NOL8: variants seen among roughly 807,000 people sequenced by gnomAD.
NOL8 encodes the protein nucleolar protein Nop132.
Under a neutral mutation model 116.1 loss-of-function variants are expected in NOL8, and 93 were observed. The observed-to-expected ratio is 0.80, with a 90% confidence interval of 0.68 to 0.95. The LOEUF is 0.95. Ranked by LOEUF, NOL8 falls within the 40% of genes least tolerant of loss-of-function variation. NOL8 has a pLI of 0.00. For synonymous variants in NOL8, 419 were observed against 469.0 expected, an observed-to-expected ratio of 0.89 and a Z score of 1.38; for missense variants, 1,291 against 1,382.8, an observed-to-expected ratio of 0.93 and a Z score of 1.05.
At position 92,309,711 on chromosome 9, in the gene NOL8, ACATT is replaced by A. The variant is rs756817645; in HGVS notation, c.2686+456_2686+459del. The stretch of plus-strand genomic sequence containing the variant: ...TCTGATAGCATCATTACTCTTAGAT[ACATT>A]CAAACAGGGATAAATTCAAGTAGAA... On this transcript the variant is annotated intron_variant, in intron 10 of 16. Coordinates refer to ENST00000442668, the MANE Select transcript of NOL8 (RefSeq NM_017948.6). Among the ~76,000 whole-genome samples, 59 of 152,218 alleles carry A rather than the reference ACATT, an allele frequency of 3.9e-4. 1 individual carries two copies. Among genetic ancestry groups the A allele is most frequent in the Non-Finnish European group, 7.9e-4 (54 of 68,042 alleles).
intron 6 of NOL8, among the ~76,000 whole-genome samples, chr9:92,316,732 G>A (rs1320098597): frequency 2.0e-5 from 3 of 152,020 alleles, no homozygotes; most frequent in South Asian, 2.1e-4. Flanking sequence ...GAGGTGGGCC[G>A]ATTACATGAG....
intron 12 of NOL8, among the ~76,000 whole-genome samples, chr9:92,303,650 C>T (rs1487594768): frequency 1.3e-5 from 2 of 152,010 alleles, no homozygotes; most frequent in African/African-American, 2.4e-5. Context: ...AAGAAGCTTC[C>T]AACTGTTACC....
intron 9 of NOL8, 38 bp from the exon 10 acceptor site, chr9:92,310,299 T>G (rs555989440): frequency 1.6e-5 from 25 of 1,547,996 alleles, no homozygotes; most frequent in Non-Finnish European, 1.8e-5. Context: ...GATAGCCACA[T>G]TCCCAAGAAA....
In NOL8 at chr9:92,321,772, T is replaced by C. The variant is rs576003940; in HGVS notation, c.203-26A>G. ...CTATAAAGTAAAGAATTATTACAAG[T>C]ACATGGCAATGTAAAAATATATTTC... On this transcript the variant is annotated intron_variant, in intron 3 of 16. Coordinates refer to ENST00000442668, the MANE Select transcript of NOL8 (RefSeq NM_017948.6). 7.4e-6 allele frequency: 8 copies of C among 1,074,412 alleles called. No individual in the cohort carries two copies. The East Asian group carries it at 2.2e-4, about 29-fold the overall frequency. 66.6% of individuals were successfully genotyped at this position (1,074,412 alleles called of 1,614,324 possible).
intron 15 of NOL8, 37 bp from the exon 16 acceptor site, chr9:92,298,373 C>G: frequency 2.3e-6 from 3 of 1,326,484 alleles, no homozygotes; most frequent in Non-Finnish European, 3.2e-6. Context: ...AGGCAGCAAA[C>G]TACTACTAAA....
intron 4 of NOL8, chr9:92,320,087 G>A (rs900610372): frequency 1.8e-5 from 8 of 455,886 alleles, no homozygotes; most frequent in South Asian, 6.2e-5. Context: ...TCCCCATGAC[G>A]AAGGTATCTT....
At chr9:92,319,612 AT>A (rs1839749251) in intron 4 of NOL8, among the ~76,000 whole-genome samples, 1 of 152,188 alleles carries the variant, frequency 6.6e-6, no homozygotes, top group Middle Eastern at 3.2e-3. Flanking sequence ...TCTTGTTAAT[AT>A]TTTGTTTACT....
intron 5 of NOL8, chr9:92,318,935 AT>A: frequency 2.0e-6 from 1 of 509,120 alleles, no homozygotes; most frequent in South Asian, 3.3e-5. Context: ...CTGGCTGCTA[AT>A]TTGAACAGGC....
chr9:92,323,332 C>G (rs1187486296), intron 3 of NOL8, 109 bp downstream of exon 3: 4 of 1,543,816 alleles, frequency 2.6e-6, no homozygotes, highest in Non-Finnish European at 3.5e-6. Flanking sequence ...TGCTGTCCCT[C>G]TGGATAACGT....
chr9:92,319,438 A>AG, intron 4 of NOL8, 82 bp from the exon 5 acceptor site: 1 of 1,389,848 alleles, frequency 7.2e-7, no homozygotes, highest in Non-Finnish European at 9.4e-7. Context: ...GTGTGCCTAA[A>AG]TGAGCACTAT....
rs376114667 is a variant in NOL8, at chr9:92,310,209, G to A, written c.2648C>T (p.Ser883Phe). 1.9e-6 allele frequency: 3 copies of A among 1,610,190 alleles called. No individual in the cohort carries two copies. Among genetic ancestry groups the A allele is most frequent in the South Asian group, 2.2e-5 (2 of 89,964 alleles). Residue 883 changes from serine to phenylalanine, a missense_variant, in exon 10 of 17, where the codon TCT becomes TTT. Ser to Phe is a radical substitution (Grantham distance 155). Transcript: ENST00000442668. ...TTCACTGTCAGTTTCTAGAAATCGA[G>A]AGTCCATGCGGAATCTGTCATCGGT... Reference protein sequence around the residue: ...FGTDDRFRMDSRFLETDSEEE... With the variant: ...FGTDDRFRMDFRFLETDSEEE...
intron 7 of NOL8, among the ~76,000 whole-genome samples, chr9:92,312,377 C>T (rs1338510669): frequency 6.8e-6 from 1 of 146,046 alleles, no homozygotes; most frequent in Admixed American, 7.0e-5. Flanking sequence ...TTGCTTGAGC[C>T]TGGGAGATGG....
rs1267420968 is a variant in NOL8, at chr9:92,310,689, C to T, written c.2473-14G>A. The T allele has an allele frequency of 3.1e-6, 5 of 1,589,592 alleles. No individual in the cohort carries two copies. Among genetic ancestry groups the T allele is most frequent in the Non-Finnish European group, 4.3e-6 (5 of 1,172,332 alleles). On this transcript the variant is annotated splice_polypyrimidine_tract_variant and intron_variant, in intron 8 of 16. Coordinates refer to ENST00000442668, the MANE Select transcript of NOL8 (RefSeq NM_017948.6). ...ACCCATAGACTCCTGTGAAGAAACA[C>T]AACATTTATTAATAGCAGAGGCAAA...
At chr9:92,324,334 C>A (rs1588016284) in intron 1 of NOL8, 125 bp from the exon 2 acceptor site, 1 of 800,804 alleles carries the variant, frequency 1.2e-6, no homozygotes, top group Admixed American at 2.9e-5. Flanking sequence ...TGTATTACTT[C>A]CAAATTTTAG....
intron 15 of NOL8, 36 bp from the exon 16 acceptor site, chr9:92,298,372 A>C: frequency 6.3e-4 from 788 of 1,243,318 alleles, no homozygotes; most frequent in Non-Finnish European, 8.1e-4. Context: ...GAGGCAGCAA[A>C]CTACTACTAA....
intron 4 of NOL8, among the ~76,000 whole-genome samples, chr9:92,320,691 C>G (rs1267345644): frequency 6.6e-6 from 1 of 151,988 alleles, no homozygotes; most frequent in East Asian, 1.9e-4. Flanking sequence ...ACTGCAACCT[C>G]CGCCTCCCAG....
At chr9:92,320,307 C>A in intron 4 of NOL8, 1 of 406,752 alleles carries the variant, frequency 2.5e-6, no homozygotes, top group South Asian at 1.8e-5. Context: ...GCAGATACTC[C>A]AAGCAGCAGC....
chr9:92,317,477 C>T (rs1839516033), intron 6 of NOL8, among the ~76,000 whole-genome samples: 1 of 152,130 alleles, frequency 6.6e-6, no homozygotes, highest in Admixed American at 6.5e-5. Flanking sequence ...GAGGTCACAG[C>T]TATGTCCGGT....
chr9:92,318,519 CA>C, intron 6 of NOL8, 98 bp downstream of exon 6: 1 of 846,620 alleles, frequency 1.2e-6, no homozygotes, highest in South Asian at 1.7e-5. Flanking sequence ...CGCAAACAAA[CA>C]CCTAAAGATT....
Sources: gnomAD v4.1 joint callset for allele counts (sites outside exome capture counted in the v4.1 genomes callset) on GRCh38, gnomAD v4.1.1 for gene constraint, MANE v1.5 for transcripts, NCBI Gene and HGNC (gene_info 2026-07-23, HGNC 2026-07-21) for gene names.